Variants in KCNB2 observed in about 807,000 individuals in gnomAD.
KCNB2 encodes potassium voltage-gated channel subfamily B member 2, also known as delayed rectifier potassium channel protein.
Under a neutral mutation model 61.5 loss-of-function variants are expected in KCNB2, and 15 were observed. That is an observed-to-expected ratio of 0.24 (90% confidence interval 0.16 to 0.38). The LOEUF is 0.38. Ranked by LOEUF, KCNB2 falls within the 10% of genes least tolerant of loss-of-function variation. KCNB2 has a pLI of 1.00. For synonymous variants in KCNB2, 457 were observed against 446.0 expected, an observed-to-expected ratio of 1.02 and a Z score of -0.31; for missense variants, 828 against 1,125.2, an observed-to-expected ratio of 0.74 and a Z score of 3.78.
rs140685255 is a variant in KCNB2, at chr8:72,822,486, T to C, written c.580-113449T>C. Among the ~76,000 whole-genome samples the C allele has an allele frequency of 2.9e-4, 44 of 152,308 alleles. No individual in the cohort carries two copies. The East Asian group carries it at 3.9e-3, about 13-fold the overall frequency. On this transcript the variant is annotated intron_variant, in intron 2 of 2. Coordinates refer to ENST00000523207, the MANE Select transcript of KCNB2 (RefSeq NM_004770.3). The stretch of plus-strand genomic sequence containing the variant: ...TTGAGTGAGGTGTTCTGATCTTTCA[T>C]AGAAAGAAGCAAGCACAGTCAGCAT...
chr8:72,713,785 C>A (rs1475889307), intron 2 of KCNB2, among the ~76,000 whole-genome samples: 1 of 152,168 alleles, frequency 6.6e-6, no homozygotes, highest in Non-Finnish European at 1.5e-5. Flanking sequence ...AGCTCCTCAC[C>A]AGCAATGGAA....
chr8:72,900,417 C>T (rs1001517448), intron 2 of KCNB2, among the ~76,000 whole-genome samples: 1 of 151,996 alleles, frequency 6.6e-6, no homozygotes, highest in African/African-American at 2.4e-5. Context: ...AGGAAATACC[C>T]CTCTCAATGT....
At chr8:72,754,120 G>T (rs1213615059) in intron 2 of KCNB2, among the ~76,000 whole-genome samples, 1 of 152,150 alleles carries the variant, frequency 6.6e-6, no homozygotes, top group African/African-American at 2.4e-5. Context: ...GAGCTATCAA[G>T]TTTGAATAGA....
chr8:72,707,449 G>C (rs923484535), intron 2 of KCNB2, among the ~76,000 whole-genome samples: 1 of 152,128 alleles, frequency 6.6e-6, no homozygotes, highest in African/African-American at 2.4e-5. Context: ...TTGTTTGGTT[G>C]GGTTCCTTGG....
chr8:72,736,281 G>T (rs1299565748), intron 2 of KCNB2, among the ~76,000 whole-genome samples: 1 of 151,332 alleles, frequency 6.6e-6, no homozygotes, highest in Non-Finnish European at 1.5e-5. Context: ...AAAAAAAAAA[G>T]CTTGAAATCT....
intron 2 of KCNB2, among the ~76,000 whole-genome samples, chr8:72,721,774 C>T (rs899303440): frequency 6.6e-6 from 1 of 152,132 alleles, no homozygotes; most frequent in South Asian, 2.1e-4. Flanking sequence ...TTGTTCTACC[C>T]ACTACTGACC....
chr8:72,601,238 G>T (rs972132590), intron 2 of KCNB2, among the ~76,000 whole-genome samples: 17 of 152,066 alleles, frequency 1.1e-4, no homozygotes, highest in Non-Finnish European at 2.4e-4. Flanking sequence ...TATAACATCG[G>T]CCTTATATTT....
chr8:72,826,871 A>G (rs1385401390), intron 2 of KCNB2, among the ~76,000 whole-genome samples: 1 of 152,222 alleles, frequency 6.6e-6, no homozygotes, highest in Non-Finnish European at 1.5e-5. Flanking sequence ...TTTCTGTGCC[A>G]TTTATGATGG....
intron 2 of KCNB2, among the ~76,000 whole-genome samples, chr8:72,579,989 A>C (rs2128980264): frequency 6.6e-6 from 1 of 152,212 alleles, no homozygotes; most frequent in South Asian, 2.1e-4. Flanking sequence ...GAGGGGAGAG[A>C]TTTATATTTA....
intron 2 of KCNB2, among the ~76,000 whole-genome samples, chr8:72,725,612 T>C (rs868662828): frequency 1.4e-5 from 2 of 143,004 alleles, no homozygotes; most frequent in South Asian, 4.7e-4. Flanking sequence ...TATATATATA[T>C]ATATATATAT....
At chr8:72,763,298 C>A (rs1238956807) in intron 2 of KCNB2, among the ~76,000 whole-genome samples, 1 of 148,896 alleles carries the variant, frequency 6.7e-6, no homozygotes, top group Non-Finnish European at 1.5e-5. Context: ...CCTAAGAAAT[C>A]TGAATTTCCA....
At chr8:72,563,084 TTAAAG>T (rs964301855) in intron 1 of KCNB2, among the ~76,000 whole-genome samples, 1 of 152,236 alleles carries the variant, frequency 6.6e-6, no homozygotes, top group East Asian at 1.9e-4. Flanking sequence ...ATGATAAATA[TTAAAG>T]TAAAGGTTCT....
At chr8:72,867,265 A>C (rs2129004469) in intron 2 of KCNB2, among the ~76,000 whole-genome samples, 1 of 152,370 alleles carries the variant, frequency 6.6e-6, no homozygotes, top group East Asian at 1.9e-4. Context: ...ATGAGAAATC[A>C]GGTAGCTCCA....
intron 2 of KCNB2, among the ~76,000 whole-genome samples, chr8:72,682,043 A>G (rs1806766071): frequency 1.3e-5 from 2 of 152,230 alleles, no homozygotes; most frequent in South Asian, 4.1e-4. Context: ...CTGTAACAAG[A>G]AGGGTTTTTA....
At chr8:72,737,639 C>T (rs547206240) in intron 2 of KCNB2, among the ~76,000 whole-genome samples, 16 of 152,152 alleles carry the variant, frequency 1.1e-4, no homozygotes, top group East Asian at 5.8e-4. Flanking sequence ...GAGTCCTCTG[C>T]GGTAAGATGG....
chr8:72,870,997 G>T (rs1805606555), intron 2 of KCNB2, among the ~76,000 whole-genome samples: 1 of 152,124 alleles, frequency 6.6e-6, no homozygotes, highest in African/African-American at 2.4e-5. Context: ...ATAGAGAAAA[G>T]AAAAGAAAGA....
chr8:72,694,170 A>T (rs2128990397), intron 2 of KCNB2, among the ~76,000 whole-genome samples: 1 of 152,360 alleles, frequency 6.6e-6, no homozygotes, highest in South Asian at 2.1e-4. Context: ...ATTTTTGTTT[A>T]TTCTTCAAAG....
At chr8:72,799,078 G>A (rs375053344) in intron 2 of KCNB2, among the ~76,000 whole-genome samples, 196 of 152,210 alleles carry the variant, frequency 1.3e-3, no homozygotes, top group African/African-American at 4.3e-3. Context: ...CCAAAATGCG[G>A]AAGACACCCA....
intron 1 of KCNB2, among the ~76,000 whole-genome samples, chr8:72,538,638 C>T (rs992115872): frequency 2.0e-5 from 3 of 152,090 alleles, no homozygotes; most frequent in African/African-American, 7.2e-5. Flanking sequence ...TACAAGATTA[C>T]ATTGAAAAAA....
Sources: allele counts gnomAD v4.1 joint callset (sites outside exome capture counted in the v4.1 genomes callset), GRCh38; gene constraint gnomAD v4.1.1; transcripts MANE v1.5; gene names NCBI Gene and HGNC (gene_info 2026-07-23, HGNC 2026-07-21).